TUBG2: variants seen among roughly 807,000 people sequenced by gnomAD.
The protein encoded by TUBG2 is tubulin gamma 2, also known as tubulin gamma-2 chain.
In TUBG2, 39 loss-of-function variants were observed where a neutral mutation model predicts 55.1. The ratio of observed to expected loss-of-function variants is 0.71; its 90% confidence interval spans 0.55 to 0.93. The LOEUF is 0.93. TUBG2 is among the 40% of genes least tolerant of loss of function. TUBG2 has a pLI of 0.00. For missense variants in TUBG2, 358 were observed against 599.1 expected (o/e 0.60, Z 4.20); for synonymous variants, 223 against 241.0 (o/e 0.93, Z 0.69).
chr17:42,659,684 C>G (rs1296445386), intron 1 of TUBG2, 132 bp downstream of exon 1: 2 of 1,356,168 alleles, frequency 1.5e-6, no homozygotes, highest in African/African-American at 2.9e-5. Context: ...TAACCCAGAC[C>G]GAGAGCTGCG....
Position 42,662,996 on chromosome 17 carries a change from C to A in TUBG2, c.423C>A (p.Ile141=). 6.2e-7 allele frequency: 1 copy of A among 1,614,080 alleles called. No homozygotes were observed. The highest frequency in any genetic ancestry group is 2.2e-5 in the East Asian group (1 of 44,874). ...SLEGFVLCHS[I]AGGTGSGLGS... is the part of the protein sequence containing the mutation. ...AGGGCTTCGTGCTGTGTCACTCCAT[C>A]GCTGGGGGTACGGGTTCTGGCCTGG... is the stretch of plus-strand genomic sequence containing the variant. Residue 141 remains isoleucine, a synonymous_variant, in exon 5 of 11, where the codon ATC becomes ATA. Coordinates refer to ENST00000251412, the MANE Select transcript of TUBG2 (RefSeq NM_016437.3).
chr17:42,664,960 A>G (rs1352146308), intron 6 of TUBG2, among the ~76,000 whole-genome samples: 1 of 149,856 alleles, frequency 6.7e-6, no homozygotes, highest in African/African-American at 2.4e-5. Flanking sequence ...CCTGGCCTCG[A>G]GTGGTCCTCC....
intron 4 of TUBG2, 105 bp downstream of exon 4, chr17:42,660,812 C>G: frequency 7.8e-6 from 7 of 894,294 alleles, no homozygotes; most frequent in Non-Finnish European, 1.3e-5. Flanking sequence ...CAATTCAATT[C>G]AAAACCCGTT....
At chr17:42,660,520 A>T (rs2052358639) in intron 3 of TUBG2, 119 bp from the exon 4 acceptor site, 2 of 1,301,120 alleles carry the variant, frequency 1.5e-6, no homozygotes, top group East Asian at 4.7e-5. Flanking sequence ...GCTACAGCCT[A>T]GGCTCTGCTT....
chr17:42,661,488 GA>G (rs1384620485), intron 4 of TUBG2: 1 of 152,242 alleles, frequency 6.6e-6, no homozygotes, highest in Non-Finnish European at 1.5e-5. Context: ...GGGGAAGGGA[GA>G]GGGGATGAAG....
Position 42,666,425 on chromosome 17 carries a change from C to G in TUBG2, c.1099C>G (p.Leu367Val). Residue 367 changes from leucine (L) to valine (V), a missense_variant, in exon 10 of 11, where the codon CTG (leucine) becomes GTG (valine). Coordinates refer to ENST00000251412, the MANE Select transcript of TUBG2 (RefSeq NM_016437.3). ...QVALSRKSPY[L>V]PSAHRVSGLM... is the part of the protein sequence containing the mutation. ...GGCCCTGTCGAGGAAGTCTCCCTAC[C>G]TGCCCTCGGCCCACCGGGTCAGCGG... 2 of 1,614,192 alleles carry G rather than the reference C, an allele frequency of 1.2e-6. No homozygotes were observed.
chr17:42,660,517 C>A, intron 3 of TUBG2, 122 bp from the exon 4 acceptor site: 1 of 1,295,264 alleles, frequency 7.7e-7, no homozygotes, highest in Non-Finnish European at 1.1e-6. Context: ...AGGGCTACAG[C>A]CTAGGCTCTG....
intron 1 of TUBG2, 107 bp from the exon 2 acceptor site, chr17:42,659,727 C>A: frequency 1.4e-6 from 2 of 1,468,720 alleles, no homozygotes; most frequent in Non-Finnish European, 1.9e-6. Context: ...GCTACCAAAC[C>A]CAGGCATCTT....
In TUBG2 at chr17:42,659,427, C is replaced by G. The variant is rs952384301; in HGVS notation, c.-77C>G. The stretch of plus-strand genomic sequence containing the variant: ...GAGAGCGCGCGCTCCCCACGTCCTG[C>G]GCTCCTGGCTGCCGGGCATTCGTCT... On this transcript the variant is annotated 5_prime_UTR_variant, in exon 1 of 11. Transcript: ENST00000251412. 4 of 1,464,004 alleles carry G rather than the reference C, an allele frequency of 2.7e-6. No individual in the cohort carries two copies. The highest frequency in any genetic ancestry group is 3.7e-6 in the Non-Finnish European group (4 of 1,087,132). The allele number at this position is 1,464,004 out of a possible 1,614,324, so 90.7% of individuals were successfully genotyped here. A position where few individuals can be genotyped will look rare whatever the true frequency, so the allele number is the denominator to read the frequency against.
chr17:42,664,516 A>G (rs893230532), intron 6 of TUBG2, among the ~76,000 whole-genome samples: 2 of 152,084 alleles, frequency 1.3e-5, no homozygotes, highest in African/African-American at 4.8e-5. Flanking sequence ...ACCTTTGCCT[A>G]CTTAATGCCC....
In TUBG2 at chr17:42,663,358, C is replaced by T; in HGVS notation, c.480-19C>T. ...GGGGTCCTTCCGGTTCACTATGCCA[C>T]CATCCTCTTTTCTCTCAGGTACCCC... is the stretch of plus-strand genomic sequence containing the variant. On this transcript the variant is annotated intron_variant, in intron 5 of 10. Coordinates refer to ENST00000251412, the MANE Select transcript of TUBG2 (RefSeq NM_016437.3). 1 of 1,613,844 alleles carries T rather than the reference C, an allele frequency of 6.2e-7. No homozygotes were observed. Among genetic ancestry groups the T allele is most frequent in the African/African-American group, 1.3e-5 (1 of 75,008 alleles).
intron 4 of TUBG2, among the ~76,000 whole-genome samples, chr17:42,662,548 G>C (rs948724231): frequency 1.1e-4 from 16 of 151,942 alleles, no homozygotes; most frequent in Admixed American, 1.3e-4. Flanking sequence ...AGAGGTTGCA[G>C]TGAGCCAAGA....
Position 42,665,741 on chromosome 17 carries a change from C to A in TUBG2, c.757C>A (p.Leu253Ile). ...CTACCCCGGCTACATGAACAATGAC[C>A]TCATCGGCCTCATCGCCTCGCTCAT... Reference protein sequence around the residue: ...LRYPGYMNNDLIGLIASLIPT... With the variant: ...LRYPGYMNNDIIGLIASLIPT... Residue 253 changes from leucine to isoleucine, a missense_variant, in exon 8 of 11, where the codon CTC becomes ATC. By Grantham distance (5) the Leu-to-Ile change is conservative. Transcript: ENST00000251412. The A allele has an allele frequency of 6.2e-7, 1 of 1,614,208 alleles. No individual in the cohort carries two copies. The highest frequency in any genetic ancestry group is 8.5e-7 in the Non-Finnish European group (1 of 1,180,040).
intron 3 of TUBG2, 118 bp from the exon 4 acceptor site, chr17:42,660,521 G>A: frequency 1.5e-6 from 2 of 1,301,250 alleles, no homozygotes; most frequent in African/African-American, 2.9e-5. Context: ...CTACAGCCTA[G>A]GCTCTGCTTC....
chr17:42,661,373 C>T (rs1002898029), intron 4 of TUBG2: 1 of 152,118 alleles, frequency 6.6e-6, no homozygotes, highest in Non-Finnish European at 1.5e-5. Flanking sequence ...GTTAAAGAGG[C>T]GATTTTTGGA....
At chr17:42,663,568 G>C in intron 6 of TUBG2, 65 bp downstream of exon 6, 7 of 1,595,976 alleles carry the variant, frequency 4.4e-6, no homozygotes, top group Non-Finnish European at 6.0e-6. Context: ...AGCACTTTGG[G>C]AGGCCTAGGC....
intron 2 of TUBG2, 22 bp from the exon 3 acceptor site, chr17:42,660,127 C>G: frequency 6.6e-7 from 1 of 1,525,676 alleles, no homozygotes; most frequent in South Asian, 1.2e-5. Context: ...GATTGGGCCC[C>G]CTCCTGGACT....
intron 1 of TUBG2, 88 bp downstream of exon 1, chr17:42,659,640 C>A (rs756112828): frequency 7.0e-7 from 1 of 1,434,364 alleles, no homozygotes; most frequent in Non-Finnish European, 9.4e-7. Flanking sequence ...GTCCCCCTTT[C>A]CCTTCCATGA....
rs750766041 is a variant in TUBG2 at position 42,663,362 on chromosome 17, C to T, written c.480-15C>T. The T allele has an allele frequency of 8.3e-5, 134 of 1,613,856 alleles. No homozygotes were observed. The highest frequency in any genetic ancestry group is 1.6e-4 in the Middle Eastern group (1 of 6,082). ...TCCTTCCGGTTCACTATGCCACCAT[C>T]CTCTTTTCTCTCAGGTACCCCAAGA... On this transcript the variant is annotated splice_polypyrimidine_tract_variant and intron_variant, in intron 5 of 10. Transcript: ENST00000251412.
Sources: allele counts gnomAD v4.1 joint callset (sites outside exome capture counted in the v4.1 genomes callset), GRCh38; gene constraint gnomAD v4.1.1; transcripts MANE v1.5; gene names NCBI Gene and HGNC (gene_info 2026-07-23, HGNC 2026-07-21).